The following ITPR2 variants were observed in gnomAD, a reference collection of about 807,000 sequenced individuals.
ITPR2 encodes inositol 1,4,5-trisphosphate receptor type 2.
ITPR2 carries 207 observed loss-of-function variants against 317.1 expected under a neutral mutation model. That is an observed-to-expected ratio of 0.65 (90% CI 0.58 to 0.73). The LOEUF (loss-of-function observed/expected upper bound fraction) is 0.73. Ranked by LOEUF, ITPR2 falls within the 30% of genes least tolerant of loss-of-function variation. ITPR2 has a pLI of 0.00. For synonymous variants in ITPR2, 1,156 were observed against 1,149.1 expected, an observed-to-expected ratio of 1.01 and a Z score of -0.12; for missense variants, 2,613 against 3,284.0, an observed-to-expected ratio of 0.80 and a Z score of 4.99.
intron 45 of ITPR2, among the ~76,000 whole-genome samples, chr12:26,458,849 CCTT>C (rs1465358938): frequency 6.6e-6 from 1 of 152,186 alleles, no homozygotes; most frequent in African/African-American, 2.4e-5. Context: ...ATGTGCCTCT[CCTT>C]CTTGCTTGGG....
At chr12:26,713,006 C>A (rs569633076) in intron 8 of ITPR2, among the ~76,000 whole-genome samples, 1 of 152,216 alleles carries the variant, frequency 6.6e-6, no homozygotes, top group African/African-American at 2.4e-5. Flanking sequence ...CCTCACCCAG[C>A]GGGGCTCTGA....
At chr12:26,555,980 CA>C (rs1944652485) in intron 36 of ITPR2, among the ~76,000 whole-genome samples, 1 of 152,158 alleles carries the variant, frequency 6.6e-6, no homozygotes, top group Admixed American at 6.5e-5. Flanking sequence ...TATTATTTTG[CA>C]TGATACTTTG....
chr12:26,393,673 A>G (rs566588160), intron 54 of ITPR2, among the ~76,000 whole-genome samples: 1 of 152,350 alleles, frequency 6.6e-6, no homozygotes, highest in African/African-American at 2.4e-5. Context: ...AGTTTAAATT[A>G]CTTAAGTGTT....
intron 13 of ITPR2, among the ~76,000 whole-genome samples, chr12:26,677,636 T>C (rs1947942646): frequency 6.6e-6 from 1 of 152,162 alleles, no homozygotes; most frequent in Non-Finnish European, 1.5e-5. Flanking sequence ...CAGATTGGAT[T>C]GTTACAATCA....
At chr12:26,472,643 T>C (rs1490695214) in intron 45 of ITPR2, among the ~76,000 whole-genome samples, 1 of 152,344 alleles carries the variant, frequency 6.6e-6, no homozygotes, top group East Asian at 1.9e-4. Flanking sequence ...TCCACCATCA[T>C]CTTTGCATAT....
At chr12:26,556,556 A>G (rs1443097867) in intron 35 of ITPR2, among the ~76,000 whole-genome samples, 181 bp from the exon 36 acceptor site, 1 of 133,796 alleles carries the variant, frequency 7.5e-6, no homozygotes, top group Non-Finnish European at 1.6e-5. Context: ...CTGGGTCTCT[A>G]TTTTTTTTTT....
intron 54 of ITPR2, among the ~76,000 whole-genome samples, chr12:26,396,480 C>T (rs1437930300): frequency 6.6e-6 from 1 of 152,166 alleles, no homozygotes; most frequent in Non-Finnish European, 1.5e-5. Context: ...CCCTCTCTTC[C>T]ACAGGCCACC....
At position 26,529,828 on chromosome 12, in the gene ITPR2, C is replaced by T. The variant is rs1943904366; in HGVS notation, c.5073+20419G>A. Among the ~76,000 whole-genome samples the T allele has an allele frequency of 2.0e-5, 3 of 152,268 alleles. No homozygotes were observed. In the South Asian group the frequency reaches 6.2e-4, roughly 32 times the overall value. ...GGCTAGTCCATTTTTCATCACAGCACACTGTGTATTTGTTTATCTATTTAT... is the reference window on the plus strand; with the variant it reads ...GGCTAGTCCATTTTTCATCACAGCATACTGTGTATTTGTTTATCTATTTAT... On this transcript the variant is annotated intron_variant, in intron 37 of 56. Transcript: ENST00000381340.
At chr12:26,587,247 T>C (rs1945551710) in intron 32 of ITPR2, among the ~76,000 whole-genome samples, 1 of 149,094 alleles carries the variant, frequency 6.7e-6, no homozygotes, top group African/African-American at 2.4e-5. Flanking sequence ...ATAAAATTCC[T>C]GTCTTTCATT....
At chr12:26,578,463 C>A (rs1374041504) in intron 34 of ITPR2, among the ~76,000 whole-genome samples, 3 of 152,114 alleles carry the variant, frequency 2.0e-5, no homozygotes, top group African/African-American at 7.2e-5. Flanking sequence ...CCTCTAAAAT[C>A]TGACTGAGCC....
At chr12:26,724,136 G>C (rs1948881936) in intron 4 of ITPR2, among the ~76,000 whole-genome samples, 1 of 151,934 alleles carries the variant, frequency 6.6e-6, no homozygotes, top group African/African-American at 2.4e-5. Flanking sequence ...AAAAAGGTGG[G>C]GCATATATTA....
intron 32 of ITPR2, among the ~76,000 whole-genome samples, chr12:26,580,995 G>A (rs80035144): frequency 0.02 from 3,062 of 152,244 alleles, 98 homozygotes; most frequent in African/African-American, 0.07. Flanking sequence ...GGAGTGGTGG[G>A]CAGAGAATGT....
chr12:26,682,329 A>G (rs1214037183), intron 12 of ITPR2, among the ~76,000 whole-genome samples: 1 of 152,144 alleles, frequency 6.6e-6, no homozygotes, highest in Non-Finnish European at 1.5e-5. Flanking sequence ...CTCCATCCAT[A>G]TGCTGCTACC....
At chr12:26,354,324 T>C (rs1040320618) in intron 55 of ITPR2, among the ~76,000 whole-genome samples, 5 of 152,194 alleles carry the variant, frequency 3.3e-5, no homozygotes, top group African/African-American at 1.2e-4. Flanking sequence ...TACCTTTTGA[T>C]AGTATATTTT....
At chr12:26,606,702 T>C (rs540760924) in intron 26 of ITPR2, among the ~76,000 whole-genome samples, 2 of 152,090 alleles carry the variant, frequency 1.3e-5, no homozygotes, top group African/African-American at 4.8e-5. Flanking sequence ...GAGGCCAAGG[T>C]GGGAGGACTG....
chr12:26,697,919 C>T (rs1283450712), intron 9 of ITPR2, among the ~76,000 whole-genome samples: 1 of 151,742 alleles, frequency 6.6e-6, no homozygotes, highest in African/African-American at 2.4e-5. Context: ...AATTAAAGTC[C>T]ACATTAGCAC....
intron 2 of ITPR2, among the ~76,000 whole-genome samples, chr12:26,727,222 G>C (rs542297197): frequency 6.6e-6 from 1 of 152,270 alleles, no homozygotes; most frequent in Admixed American, 6.5e-5. Context: ...CAAATTTCTT[G>C]AAGCACAAAT....
chr12:26,686,348 A>C (rs1189743022), intron 11 of ITPR2, 133 bp downstream of exon 11: 1 of 517,142 alleles, frequency 1.9e-6, no homozygotes, highest in Non-Finnish European at 3.1e-6. Flanking sequence ...AAGAGATACA[A>C]TGTTTTACAC....
chr12:26,371,665 G>A (rs1347535289), intron 55 of ITPR2, among the ~76,000 whole-genome samples: 1 of 152,212 alleles, frequency 6.6e-6, no homozygotes, highest in Non-Finnish European at 1.5e-5. Context: ...GCCTCATAAA[G>A]AAGATCAGGA....
Sources: gnomAD v4.1 joint callset for allele counts (sites outside exome capture counted in the v4.1 genomes callset) on GRCh38, gnomAD v4.1.1 for gene constraint, MANE v1.5 for transcripts, NCBI Gene and HGNC (gene_info 2026-07-23, HGNC 2026-07-21) for gene names.